The following WDFY3 variants were observed in gnomAD, a reference collection of about 807,000 sequenced individuals.
The protein encoded by WDFY3 is WD repeat and FYVE domain containing 3, also known as WD repeat and FYVE domain-containing protein 3.
In WDFY3, 66 loss-of-function variants were observed where a neutral mutation model predicts 409.6. The observed-to-expected ratio is 0.16, with a 90% CI of 0.13 to 0.20. The LOEUF (loss-of-function observed/expected upper bound fraction) is 0.20, where lower values mean the gene tolerates loss of function less well. WDFY3 is among the 10% of genes least tolerant of loss of function. The pLI is 1.00. For missense variants in WDFY3, 3,031 were observed against 4,298.1 expected, an observed-to-expected ratio of 0.71 and a Z score of 8.24; for synonymous variants, 1,521 against 1,537.1, an observed-to-expected ratio of 0.99 and a Z score of 0.25.
chr4:84,800,522 C>T (rs1750326919), intron 17 of WDFY3, among the ~76,000 whole-genome samples: 1 of 152,228 alleles, frequency 6.6e-6, no homozygotes, highest in Non-Finnish European at 1.5e-5. Context: ...AAAGAAAAAA[C>T]TACTGATACA....
chr4:84,921,642 T>G (rs1769289317), intron 2 of WDFY3, among the ~76,000 whole-genome samples: 1 of 147,982 alleles, frequency 6.8e-6, no homozygotes, highest in Non-Finnish European at 1.5e-5. Context: ...TCTCTATTGC[T>G]TTCATTTTTT....
At position 84,672,719 on chromosome 4, in the gene WDFY3, T is replaced by C; in HGVS notation, c.*149A>G. The C allele has an allele frequency of 8.7e-7, 1 of 1,153,976 alleles. No individual in the cohort carries two copies. The highest frequency in any genetic ancestry group is 2.4e-5 in the East Asian group (1 of 41,736). The allele number at this position is 1,153,976 out of a possible 1,614,324, so 71.5% of individuals were successfully genotyped here. A position where few individuals can be genotyped will look rare whatever the true frequency, so the allele number is the denominator to read the frequency against. ...CCATTCCTGTACTCTACACCCGTTT[T>C]ATTCAATGATCCCTTTGAATTTTAA... On this transcript the variant is annotated 3_prime_UTR_variant, in exon 68 of 68. Transcript: ENST00000295888.
chr4:84,696,328 A>G (rs1414946673), intron 57 of WDFY3, 146 bp from the exon 58 acceptor site: 2 of 743,868 alleles, frequency 2.7e-6, no homozygotes, highest in Admixed American at 3.1e-5. Flanking sequence ...TTGTGGTTTC[A>G]CTTTCTGAGG....
chr4:84,791,182 G>A (rs996845957), intron 21 of WDFY3, among the ~76,000 whole-genome samples: 1 of 152,176 alleles, frequency 6.6e-6, no homozygotes, highest in African/African-American at 2.4e-5. Context: ...AGTAGATAAA[G>A]AAAATGTGGT....
In WDFY3 at chr4:84,796,578, T is replaced by C; in HGVS notation, c.3110A>G (p.His1037Arg). The change falls in exon 19 of 68, where the codon CAT (histidine) becomes CGT (arginine). Residue 1037 changes from histidine (H) to arginine (R), a missense_variant. By Grantham distance (29) the His-to-Arg change is conservative (BLOSUM62 0). Around this residue, in one of 16 missense-constraint regions of WDFY3, gnomAD observed 1,322 missense variants for 1,697.9 expected, o/e 0.78. Transcript: ENST00000295888. Reference protein sequence around the residue: ...SMTTPHDIRLHGSSVTPAFVE... With the variant: ...SMTTPHDIRLRGSSVTPAFVE... The stretch of plus-strand genomic sequence containing the variant: ...AAAAGCTGGAGTAACTGATGACCCA[T>C]GAAGTCTGATGTCATGTGGGGTTGT... 6.2e-7 allele frequency: 1 copy of C among 1,613,510 alleles called. No individual in the cohort carries two copies. Among genetic ancestry groups the C allele is most frequent in the Non-Finnish European group, 8.5e-7 (1 of 1,179,644 alleles).
intron 47 of WDFY3, among the ~76,000 whole-genome samples, chr4:84,719,352 T>TAGA (rs1734470548): frequency 6.6e-6 from 1 of 152,210 alleles, no homozygotes; most frequent in South Asian, 2.1e-4. Flanking sequence ...AAGTATTGTT[T>TAGA]TCTCCCAAAG....
intron 2 of WDFY3, among the ~76,000 whole-genome samples, chr4:84,929,956 A>T (rs1770541834): frequency 6.6e-6 from 1 of 151,194 alleles, no homozygotes; most frequent in Non-Finnish European, 1.5e-5. Flanking sequence ...TAGAAGGAAG[A>T]CCGTGCAAAG....
In WDFY3 at chr4:84,702,302, T is replaced by C. The variant is rs762691248; in HGVS notation, c.8596+51A>G. The stretch of plus-strand genomic sequence containing the variant: ...TCTTCAGAGAAGTGACTTATTTCTA[T>C]TGGACTTTTCCTGGCTAACATTCCT... On this transcript the variant is annotated intron_variant, in intron 56 of 67. Transcript: ENST00000295888. The C allele has an allele frequency of 7.3e-6, 11 of 1,501,542 alleles. No individual in the cohort carries two copies. In the East Asian group the frequency reaches 1.9e-4, roughly 26 times the overall value. 93.0% of individuals were successfully genotyped at this position (1,501,542 alleles called of 1,614,324 possible). A position where few individuals can be genotyped will look rare whatever the true frequency, so the allele number is the denominator to read the frequency against.
At chr4:84,705,089 A>C (rs1731707756) in intron 54 of WDFY3, among the ~76,000 whole-genome samples, 1 of 152,206 alleles carries the variant, frequency 6.6e-6, no homozygotes, top group African/African-American at 2.4e-5. Context: ...TGGTTCCTGG[A>C]CTAAACATGA....
chr4:84,950,259 G>A (rs1053399569), intron 1 of WDFY3, among the ~76,000 whole-genome samples: 1 of 151,070 alleles, frequency 6.6e-6, no homozygotes, highest in African/African-American at 2.4e-5. Flanking sequence ...GGGTTGGGGG[G>A]CAAGGGGAGG....
intron 2 of WDFY3, among the ~76,000 whole-genome samples, chr4:84,904,916 A>C (rs1766827513): frequency 6.6e-6 from 1 of 152,226 alleles, no homozygotes; most frequent in African/African-American, 2.4e-5. Flanking sequence ...AGGCAGGCGG[A>C]TCACTTGAGG....
chr4:84,921,271 C>G (rs953288409), intron 2 of WDFY3, among the ~76,000 whole-genome samples: 11 of 150,970 alleles, frequency 7.3e-5, no homozygotes, highest in African/African-American at 2.7e-4. Context: ...ACATAAGAAC[C>G]CTGGAAGAAG....
intron 36 of WDFY3, among the ~76,000 whole-genome samples, chr4:84,749,461 T>C (rs1303573682): frequency 6.6e-6 from 1 of 152,172 alleles, no homozygotes; most frequent in Non-Finnish European, 1.5e-5. Context: ...GATTCAAAAA[T>C]ACACTAAGCC....
chr4:84,872,810 A>G (rs555936386), intron 3 of WDFY3, among the ~76,000 whole-genome samples: 1 of 152,214 alleles, frequency 6.6e-6, no homozygotes, highest in South Asian at 2.1e-4. Context: ...GCTAACTCTA[A>G]TCAAAGGAAA....
At chr4:84,879,085 C>A (rs2150378194) in intron 3 of WDFY3, among the ~76,000 whole-genome samples, 1 of 152,226 alleles carries the variant, frequency 6.6e-6, no homozygotes, top group South Asian at 2.1e-4. Context: ...AGAGACAAAA[C>A]TTTTGCAAGG....
chr4:84,928,145 T>A (rs1036295797), intron 2 of WDFY3, among the ~76,000 whole-genome samples: 2 of 152,198 alleles, frequency 1.3e-5, no homozygotes, highest in African/African-American at 4.8e-5. Flanking sequence ...AAGGGTGAAC[T>A]TGCCCTCTTT....
chr4:84,723,448 A>G (rs545953833), intron 46 of WDFY3, among the ~76,000 whole-genome samples: 2 of 152,332 alleles, frequency 1.3e-5, no homozygotes, highest in South Asian at 4.1e-4. Context: ...TTTTAAAACT[A>G]ACTTTTACTT....
At chr4:84,910,969 C>A (rs1027251184) in intron 2 of WDFY3, among the ~76,000 whole-genome samples, 7 of 151,880 alleles carry the variant, frequency 4.6e-5, no homozygotes, top group African/African-American at 1.7e-4. Context: ...ATCCACCTGC[C>A]TCGGCCTCCC....
chr4:84,846,785 T>G (rs1758129859), intron 5 of WDFY3, among the ~76,000 whole-genome samples: 1 of 151,696 alleles, frequency 6.6e-6, no homozygotes, highest in Non-Finnish European at 1.5e-5. Flanking sequence ...GATATTAAAA[T>G]AGCAGAGAGA....
Sources: gnomAD v4.1 joint callset for allele counts (sites outside exome capture counted in the v4.1 genomes callset) on GRCh38, gnomAD v4.1.1 for gene constraint, gnomAD v4.1.1 regional missense constraint, MANE v1.5 for transcripts, NCBI Gene and HGNC (gene_info 2026-07-23, HGNC 2026-07-21) for gene names.